The following TTC33 variants were observed in gnomAD, a reference collection of about 807,000 sequenced individuals.
TTC33 encodes tetratricopeptide repeat protein 33.
In TTC33, 24 loss-of-function variants were observed where a neutral mutation model predicts 29.4. The ratio of observed to expected loss-of-function variants is 0.82; its 90% CI spans 0.59 to 1.15. The LOEUF is 1.15. TTC33 is among the 50% of genes most tolerant of loss of function. TTC33 has a pLI of 0.00. For synonymous variants in TTC33, 107 were observed against 100.3 expected (o/e 1.07, Z -0.40); for missense variants, 286 against 310.4 (o/e 0.92, Z 0.59).
Position 40,716,342 on chromosome 5 carries a change from G to A in TTC33, c.592C>T (p.Pro198Ser). 1 of 1,614,156 alleles carries A rather than the reference G, an allele frequency of 6.2e-7. No homozygotes were observed. Among genetic ancestry groups the A allele is most frequent in the Non-Finnish European group, 8.5e-7 (1 of 1,180,036 alleles). Residue 198 changes from proline (P) to serine (S), a missense_variant, in exon 5 of 5, where the codon CCA (proline) becomes TCA (serine). Pro to Ser is a moderately conservative substitution (Grantham distance 74). Transcript: ENST00000337702. ...EAPAEVTHFS[P>S]KSIPDYDFES... is the part of the protein sequence containing the mutation. ...AAGTCATAGTCTGGAATTGACTTTG[G>A]TGAAAAGTGTGTTACTTCAGCTGGT... is the stretch of plus-strand genomic sequence containing the variant.
chr5:40,732,417 T>C (rs1742452536), intron 2 of TTC33, among the ~76,000 whole-genome samples: 2 of 151,716 alleles, frequency 1.3e-5, no homozygotes, highest in South Asian at 4.2e-4. Flanking sequence ...GATTTAAAGC[T>C]AGCTCTTAAA....
chr5:40,727,387 T>G (rs774755590), intron 4 of TTC33, among the ~76,000 whole-genome samples: 3 of 152,216 alleles, frequency 2.0e-5, no homozygotes, highest in African/African-American at 7.2e-5. Flanking sequence ...CAGGTGTATA[T>G]AGCCCTGCCA....
chr5:40,723,813 C>A (rs186640446), intron 4 of TTC33, among the ~76,000 whole-genome samples: 25 of 151,440 alleles, frequency 1.7e-4, no homozygotes, highest in Non-Finnish European at 3.2e-4. Flanking sequence ...TACAGTGAGC[C>A]GAGATCACAC....
Position 40,721,605 on chromosome 5 carries a change from C to G in TTC33, c.436-5107G>C, listed in dbSNP as rs115015450. Among the ~76,000 whole-genome samples the G allele has an allele frequency of 3.0e-3, 451 of 152,176 alleles. 5 individuals carry two copies. Among genetic ancestry groups the G allele is most frequent in the African/African-American group, 0.01 (425 of 41,504 alleles). On this transcript the variant is annotated intron_variant, in intron 4 of 4. Transcript: ENST00000337702. ...ATCTTACACCATAAACAAAAGTCAACTCCAAGTGCATTAAAGACTTAAATG... is the reference window on the plus strand; with the variant it reads ...ATCTTACACCATAAACAAAAGTCAAGTCCAAGTGCATTAAAGACTTAAATG...
chr5:40,743,463 A>C (rs1330637848), intron 2 of TTC33, among the ~76,000 whole-genome samples: 1 of 152,078 alleles, frequency 6.6e-6, no homozygotes, highest in Non-Finnish European at 1.5e-5. Flanking sequence ...ACTTTCAATC[A>C]AGTTTAGTAG....
intron 4 of TTC33, among the ~76,000 whole-genome samples, chr5:40,722,679 A>G (rs537020514): frequency 8.7e-5 from 13 of 149,312 alleles, no homozygotes; most frequent in African/African-American, 3.2e-4. Flanking sequence ...ACAGCCGCCC[A>G]GTCTGGGAAG....
chr5:40,746,587 A>G (rs1742792150), intron 2 of TTC33, among the ~76,000 whole-genome samples: 1 of 152,156 alleles, frequency 6.6e-6, no homozygotes, highest in Non-Finnish European at 1.5e-5. Flanking sequence ...CCTGAAAACT[A>G]TTTTACAAAC....
At chr5:40,735,188 T>C (rs1168945715) in intron 2 of TTC33, among the ~76,000 whole-genome samples, 3 of 152,242 alleles carry the variant, frequency 2.0e-5, no homozygotes, top group South Asian at 2.1e-4. Context: ...TTTAATTGTA[T>C]GTGTGATGAA....
intron 1 of TTC33, among the ~76,000 whole-genome samples, chr5:40,752,495 T>C (rs996916959): frequency 1.3e-5 from 2 of 152,196 alleles, no homozygotes; most frequent in African/African-American, 2.4e-5. Flanking sequence ...TTAGAGGGCA[T>C]TGTAGGATTA....
At chr5:40,728,651 C>T (rs1742353555) in intron 3 of TTC33, among the ~76,000 whole-genome samples, 175 bp from the exon 4 acceptor site, 1 of 152,074 alleles carries the variant, frequency 6.6e-6, no homozygotes, top group Non-Finnish European at 1.5e-5. Flanking sequence ...TCTTTTCACC[C>T]CTTATATAAC....
chr5:40,726,224 A>G (rs1319404162), intron 4 of TTC33, among the ~76,000 whole-genome samples: 4 of 151,032 alleles, frequency 2.6e-5, no homozygotes, highest in Non-Finnish European at 5.9e-5. Context: ...TTATATATAT[A>G]TATCTCCTAT....
chr5:40,723,596 G>A (rs1334117865), intron 4 of TTC33, among the ~76,000 whole-genome samples: 1 of 152,008 alleles, frequency 6.6e-6, no homozygotes, highest in Non-Finnish European at 1.5e-5. Flanking sequence ...CAGATGCGGT[G>A]ACTCACACCT....
In TTC33 at chr5:40,730,311, G is replaced by A. The variant is rs767421056; in HGVS notation, c.254C>T (p.Ala85Val). 1 of 1,612,242 alleles carries A rather than the reference G, an allele frequency of 6.2e-7. No homozygotes were observed. Among genetic ancestry groups the A allele is most frequent in the South Asian group, 1.1e-5 (1 of 90,804 alleles). ...YREAIQKWDE[A>V]LQLTPNDATL... ...AGCATCATTTGGAGTTAACTGTAGT[G>A]CTTCATCCCACTTCTGAATTGCCTC... is the stretch of plus-strand genomic sequence containing the variant. Residue 85 changes from alanine to valine, a missense_variant, in exon 3 of 5, where the codon GCA (alanine) becomes GTA (valine). By Grantham distance (64) the Ala-to-Val change is moderately conservative. Coordinates refer to ENST00000337702, the MANE Select transcript of TTC33 (RefSeq NM_012382.3).
chr5:40,752,868 T>C (rs1189334487), intron 1 of TTC33, among the ~76,000 whole-genome samples: 13 of 152,080 alleles, frequency 8.5e-5, no homozygotes, highest in Non-Finnish European at 1.5e-5. Context: ...ACGCAGTATC[T>C]ATGAAGTGTG....
chr5:40,747,591 C>T (rs1039334799), intron 1 of TTC33, among the ~76,000 whole-genome samples: 16 of 152,160 alleles, frequency 1.1e-4, no homozygotes, highest in Admixed American at 6.5e-4. Context: ...CAGGCCTCTA[C>T]CTATAAGAAA....
chr5:40,719,225 C>A (rs555069013), intron 4 of TTC33, among the ~76,000 whole-genome samples: 2 of 152,280 alleles, frequency 1.3e-5, no homozygotes, highest in African/African-American at 4.8e-5. Flanking sequence ...CTCATTTCTC[C>A]CCAAAACCCC....
At chr5:40,734,696 T>C (rs991384337) in intron 2 of TTC33, among the ~76,000 whole-genome samples, 1 of 152,242 alleles carries the variant, frequency 6.6e-6, no homozygotes. Context: ...GCTTATTCAC[T>C]TTATAAATAT....
chr5:40,736,702 A>G lies in TTC33; in HGVS notation c.222-6359T>C, dbSNP rs142743648. Among the ~76,000 whole-genome samples, 68 of 152,328 alleles carry G rather than the reference A, an allele frequency of 4.5e-4. No homozygotes were observed. In the East Asian group the frequency reaches 9.3e-3, roughly 21 times the overall value. On this transcript the variant is annotated intron_variant, in intron 2 of 4. Coordinates refer to ENST00000337702, the MANE Select transcript of TTC33 (RefSeq NM_012382.3). Reference sequence around the variant, plus strand: ...ACTTGGTGCTTATTAGGTGCTAGGTAGCATGCTTTTACATGGACTTTGCTC... The same window carrying G: ...ACTTGGTGCTTATTAGGTGCTAGGTGGCATGCTTTTACATGGACTTTGCTC...
chr5:40,722,762 C>G (rs1384448894), intron 4 of TTC33, among the ~76,000 whole-genome samples: 4 of 151,192 alleles, frequency 2.6e-5, no homozygotes, highest in African/African-American at 9.7e-5. Flanking sequence ...CCAGACGCCC[C>G]GTCCCGGAGG....
Sources: gnomAD v4.1 joint callset for allele counts (sites outside exome capture counted in the v4.1 genomes callset) on GRCh38, gnomAD v4.1.1 for gene constraint, MANE v1.5 for transcripts, NCBI Gene and HGNC (gene_info 2026-07-23, HGNC 2026-07-21) for gene names.